The following ITGAE variants were observed in gnomAD, a reference collection of about 807,000 sequenced individuals.
ITGAE encodes the protein integrin alpha-E.
A neutral mutation model predicts 136.5 loss-of-function variants in ITGAE; 99 were observed. The ratio of observed to expected loss-of-function variants is 0.73; its 90% CI spans 0.62 to 0.86. The LOEUF is 0.86. ITGAE is among the 40% of genes least tolerant of loss of function. ITGAE has a pLI of 0.00. For missense variants in ITGAE, 1,447 were observed against 1,515.3 expected (o/e 0.95, Z 0.75); for synonymous variants, 613 against 591.8 (o/e 1.04, Z -0.52).
At chr17:3,800,717 C>G (rs1482834878) in intron 1 of ITGAE, among the ~76,000 whole-genome samples, 7 of 152,182 alleles carry the variant, frequency 4.6e-5, no homozygotes, top group Admixed American at 4.6e-4. Flanking sequence ...TCAGCCCAAC[C>G]CCTGCTCTGT....
intron 21 of ITGAE, among the ~76,000 whole-genome samples, chr17:3,733,385 T>C (rs1349203428): frequency 6.6e-6 from 1 of 152,198 alleles, no homozygotes; most frequent in African/African-American, 2.4e-5. Flanking sequence ...ATTTATTGAC[T>C]CACTGCAATG....
At chr17:3,782,296 A>AC (rs1485279753) in intron 1 of ITGAE, among the ~76,000 whole-genome samples, 4 of 147,440 alleles carry the variant, frequency 2.7e-5, no homozygotes, top group Admixed American at 6.8e-5. Flanking sequence ...AAAAAAAAAA[A>AC]AAAAAGCATG....
At position 3,761,390 on chromosome 17, in the gene ITGAE, G is replaced by A. The variant is rs1165462742; in HGVS notation, c.433+13C>T. 1 of 1,605,754 alleles carries A rather than the reference G, an allele frequency of 6.2e-7. No homozygotes were observed. The highest frequency in any genetic ancestry group is 2.2e-5 in the East Asian group (1 of 44,850). ...TTAGAGCTATCCAAGGCCAGTGAATGTCCAATCCTTACCAAGGTCGAAGAA... is the reference window on the plus strand; with the variant it reads ...TTAGAGCTATCCAAGGCCAGTGAATATCCAATCCTTACCAAGGTCGAAGAA... On this transcript the variant is annotated intron_variant, in intron 5 of 30. Transcript: ENST00000263087.
intron 1 of ITGAE, among the ~76,000 whole-genome samples, chr17:3,800,800 A>T (rs2053238152): frequency 6.6e-6 from 1 of 152,116 alleles, no homozygotes; most frequent in Non-Finnish European, 1.5e-5. Flanking sequence ...ACCTGCCCCA[A>T]GTGGGTGCCA....
chr17:3,743,727 G>A lies in ITGAE; in HGVS notation c.2320-110C>T, dbSNP rs374737559. ...TTTCTTTTTTTTTTTTTTTGAGATG[G>A]AGTCTTGCTCTGTTGCCCAGGCTGG... is the stretch of plus-strand genomic sequence containing the variant. On this transcript the variant is annotated intron_variant, in intron 18 of 30. Transcript: ENST00000263087. 964 of 995,906 alleles carry A rather than the reference G, an allele frequency of 9.7e-4. 10 individuals are homozygous for A. The African/African-American group carries it at 0.017, about 18-fold the overall frequency. 61.7% of individuals were successfully genotyped at this position (995,906 alleles called of 1,614,324 possible). A position where few individuals can be genotyped will look rare whatever the true frequency, so the allele number is the denominator to read the frequency against.
intron 2 of ITGAE, among the ~76,000 whole-genome samples, chr17:3,771,688 C>A (rs550586517): frequency 2.0e-5 from 3 of 151,974 alleles, no homozygotes; most frequent in African/African-American, 7.3e-5. Context: ...AAGCGCCCAC[C>A]ACCACACCCG....
At chr17:3,735,487 AT>A (rs1037949019) in intron 20 of ITGAE, among the ~76,000 whole-genome samples, 10 of 151,500 alleles carry the variant, frequency 6.6e-5, no homozygotes, top group African/African-American at 2.4e-4. Flanking sequence ...TAATTTTTGT[AT>A]TTTTTGTAGA....
chr17:3,790,808 A>G (rs1432579551), intron 1 of ITGAE, among the ~76,000 whole-genome samples: 1 of 152,192 alleles, frequency 6.6e-6, no homozygotes, highest in Non-Finnish European at 1.5e-5. Flanking sequence ...CAGCAACCGC[A>G]TGTCATGTGC....
intron 2 of ITGAE, among the ~76,000 whole-genome samples, chr17:3,773,578 C>T (rs2052476659): frequency 6.7e-6 from 1 of 148,838 alleles, no homozygotes; most frequent in Admixed American, 6.7e-5. Flanking sequence ...AGGGGCAAAG[C>T]TTCCATGCCC....
rs373065816 is a variant in ITGAE, at chr17:3,720,834, C to T, written c.3238-432G>A. Among the ~76,000 whole-genome samples, 62 of 152,016 alleles carry T rather than the reference C, an allele frequency of 4.1e-4. No homozygotes were observed. In the East Asian group the frequency reaches 5.8e-3, roughly 14 times the overall value. ...CTGACCTCAGATGATCTACCCACCT[C>T]GGCCTCCCAAAGTGCTGGGATTACA... is the stretch of plus-strand genomic sequence containing the variant. On this transcript the variant is annotated intron_variant, in intron 28 of 30. Coordinates refer to ENST00000263087, the MANE Select transcript of ITGAE (RefSeq NM_002208.5).
At chr17:3,740,615 A>G (rs1476507257) in intron 19 of ITGAE, among the ~76,000 whole-genome samples, 1 of 152,248 alleles carries the variant, frequency 6.6e-6, no homozygotes, top group Non-Finnish European at 1.5e-5. Context: ...ACCTCAGGTC[A>G]TCCACCCACC....
In ITGAE at chr17:3,720,358, A is replaced by G. The variant is rs772063535; in HGVS notation, c.3282T>C (p.Ser1094=). ...GTCCCTCATATAGAGATTTGTTGAA[A>G]GATATTTCACCAAGGATCTGCAGTT... is the stretch of plus-strand genomic sequence containing the variant. ...VTELQILGEI[S]FNKSLYEGLN... is the part of the protein sequence containing the mutation. The change falls in exon 29 of 31, where the codon TCT becomes TCC. Residue 1094 remains serine (S), a synonymous_variant. Transcript: ENST00000263087. The G allele has an allele frequency of 1.1e-5, 18 of 1,589,700 alleles. No homozygotes were observed. The Admixed American group carries it at 3.0e-4, about 27-fold the overall frequency.
At chr17:3,786,130 G>A (rs1465436578) in intron 1 of ITGAE, among the ~76,000 whole-genome samples, 1 of 144,740 alleles carries the variant, frequency 6.9e-6, no homozygotes, top group African/African-American at 2.6e-5. Context: ...TCGCGCCACT[G>A]CACTCCAGCC....
intron 1 of ITGAE, among the ~76,000 whole-genome samples, chr17:3,795,989 C>CTGTGTGCATCTG (rs1555528586): frequency 1.6e-5 from 2 of 127,096 alleles, no homozygotes; most frequent in Admixed American, 8.0e-5. Flanking sequence ...GTGTGTGCAT[C>CTGTGTGCATCTG]TGTGTGTGCA....
chr17:3,725,148 AT>A, intron 26 of ITGAE: 1 of 1,614,186 alleles, frequency 6.2e-7, no homozygotes, highest in South Asian at 1.1e-5. Flanking sequence ...GGTCTGCAGC[AT>A]CTATACCACT....
intron 26 of ITGAE, chr17:3,724,220 C>T: frequency 1.3e-6 from 2 of 1,593,484 alleles, no homozygotes; most frequent in South Asian, 1.1e-5. Flanking sequence ...CCAGCCTGAC[C>T]GTGACCCCAA....
intron 19 of ITGAE, among the ~76,000 whole-genome samples, chr17:3,741,070 A>ATTTTTTTTTTTTTTTTTTTT (rs58434003): frequency 1.3e-5 from 1 of 76,804 alleles, no homozygotes; most frequent in Non-Finnish European, 2.3e-5. Context: ...TTTTTGTTGT[A>ATTTTTTTTTTTTTTTTTTTT]TTTTTTTTTT....
At chr17:3,737,082 C>T (rs2143012864) in intron 20 of ITGAE, among the ~76,000 whole-genome samples, 1 of 152,148 alleles carries the variant, frequency 6.6e-6, no homozygotes, top group African/African-American at 2.4e-5. Flanking sequence ...CACTTGAGGC[C>T]AAGAGTTCAA....
At chr17:3,715,258 C>T (rs972341441) in intron 30 of ITGAE, among the ~76,000 whole-genome samples, 5 of 152,140 alleles carry the variant, frequency 3.3e-5, no homozygotes, top group African/African-American at 1.2e-4. Flanking sequence ...TGCAAAAATA[C>T]TCAGTATAGC....
Sources: gnomAD v4.1 joint callset for allele counts (sites outside exome capture counted in the v4.1 genomes callset) on GRCh38, gnomAD v4.1.1 for gene constraint, MANE v1.5 for transcripts, NCBI Gene and HGNC (gene_info 2026-07-23, HGNC 2026-07-21) for gene names.